ALPK1: variants seen among roughly 807,000 people sequenced by gnomAD.
The protein encoded by ALPK1 is alpha kinase 1, also known as alpha-protein kinase 1.
ALPK1 carries 110 observed loss-of-function variants against 120.6 expected under a neutral mutation model. The ratio of observed to expected loss-of-function variants is 0.91; its 90% CI spans 0.78 to 1.07. ALPK1 has a LOEUF of 1.07. ALPK1 is among the 50% of genes least tolerant of loss of function. ALPK1 has a pLI of 0.00. For synonymous variants in ALPK1, 582 were observed against 560.3 expected, an observed-to-expected ratio of 1.04 and a Z score of -0.55; for missense variants, 1,498 against 1,483.9, an observed-to-expected ratio of 1.01 and a Z score of -0.16.
In ALPK1 at chr4:112,328,585, G is replaced by A. The variant is rs940358625; in HGVS notation, c.-101+12733G>A. 3.3e-5 allele frequency among the ~76,000 whole-genome samples: 5 copies of A among 152,204 alleles called. No homozygotes were observed. In the East Asian group the frequency reaches 9.6e-4, roughly 29 times the overall value. ...CTTTATTGACATCATTTCACTGGCT[G>A]ACAGAGACTTCTGGAGTGCCACACT... On this transcript the variant is annotated intron_variant, in intron 2 of 15. Transcript: ENST00000650871.
chr4:112,429,850 AAAAAGAAAAG>A (rs1211612001), intron 10 of ALPK1, among the ~76,000 whole-genome samples: 1 of 145,816 alleles, frequency 6.9e-6, no homozygotes, highest in South Asian at 2.2e-4. Context: ...AAAAAAAAAA[AAAAAGAAAAG>A]AAAAGAGAAA....
chr4:112,369,639 CACCA>C (rs1731314432), intron 2 of ALPK1, among the ~76,000 whole-genome samples: 1 of 152,106 alleles, frequency 6.6e-6, no homozygotes, highest in Non-Finnish European at 1.5e-5. Context: ...GCCGAGATTG[CACCA>C]CTCCACTCCA....
chr4:112,300,061 C>T (rs1727718499), intron 1 of ALPK1, among the ~76,000 whole-genome samples: 3 of 152,012 alleles, frequency 2.0e-5, no homozygotes, highest in African/African-American at 7.3e-5. Flanking sequence ...GGGAAAAATT[C>T]GCAAACATGT....
chr4:112,356,138 CCCAAGAT>C, intron 2 of ALPK1: 6 of 1,595,246 alleles, frequency 3.8e-6, no homozygotes, highest in Non-Finnish European at 5.2e-6. Flanking sequence ...GGCTGATATG[CCCAAGAT>C]AGTCCTGAAT....
chr4:112,349,550 T>TCCC (rs1560647754), intron 2 of ALPK1, among the ~76,000 whole-genome samples: 62 of 64,996 alleles, frequency 9.5e-4, no homozygotes, highest in South Asian at 3.1e-3. Context: ...CCCCAACCCC[T>TCCC]GCCCCCCCCC....
intron 2 of ALPK1, among the ~76,000 whole-genome samples, chr4:112,340,336 G>A (rs774707939): frequency 9.9e-5 from 15 of 152,172 alleles, no homozygotes; most frequent in Non-Finnish European, 1.8e-4. Flanking sequence ...TCTCTTGCAC[G>A]GTGGGAAACC....
chr4:112,326,308 G>A (rs1729114116), intron 2 of ALPK1, among the ~76,000 whole-genome samples: 1 of 152,166 alleles, frequency 6.6e-6, no homozygotes, highest in Admixed American at 6.5e-5. Flanking sequence ...TTTAAACTAA[G>A]GACGCTGCAA....
intron 4 of ALPK1, among the ~76,000 whole-genome samples, chr4:112,404,339 A>C (rs927025176): frequency 6.6e-6 from 1 of 152,126 alleles, no homozygotes; most frequent in Non-Finnish European, 1.5e-5. Context: ...ATGGTGTTCC[A>C]TGTCATTTAT....
At chr4:112,432,899 C>T (rs1036332522) in intron 11 of ALPK1, among the ~76,000 whole-genome samples, 6 of 152,152 alleles carry the variant, frequency 3.9e-5, no homozygotes, top group East Asian at 1.9e-4. Context: ...CTCTGGAGGC[C>T]GTCTCATCCA....
intron 2 of ALPK1, among the ~76,000 whole-genome samples, chr4:112,354,895 A>G (rs959585542): frequency 2.6e-5 from 4 of 152,166 alleles, no homozygotes; most frequent in Non-Finnish European, 5.9e-5. Flanking sequence ...TGTCTTTATT[A>G]TTCTTGAACT....
At chr4:112,366,572 T>C (rs1276502829) in intron 2 of ALPK1, among the ~76,000 whole-genome samples, 2 of 152,160 alleles carry the variant, frequency 1.3e-5, no homozygotes, top group Admixed American at 1.3e-4. Flanking sequence ...ATGGATGTGG[T>C]GAAAAGGGAA....
chr4:112,388,851 A>G (rs544751855), intron 4 of ALPK1, among the ~76,000 whole-genome samples: 10 of 152,326 alleles, frequency 6.6e-5, no homozygotes, highest in African/African-American at 2.2e-4. Context: ...ACCTCCTAAT[A>G]TGTGGCAGTT....
At chr4:112,392,761 G>T (rs575925811) in intron 4 of ALPK1, among the ~76,000 whole-genome samples, 7 of 152,016 alleles carry the variant, frequency 4.6e-5, no homozygotes, top group Non-Finnish European at 8.8e-5. Flanking sequence ...AAACTCCTGA[G>T]CTCAAGTGAT....
chr4:112,411,647 T>A, intron 4 of ALPK1, 180 bp from the exon 5 acceptor site: 1 of 615,922 alleles, frequency 1.6e-6, no homozygotes, highest in Non-Finnish European at 2.9e-6. Context: ...TACTATTTTA[T>A]TGCACAATTG....
At chr4:112,326,373 A>AAT (rs1729120117) in intron 2 of ALPK1, among the ~76,000 whole-genome samples, 1 of 152,138 alleles carries the variant, frequency 6.6e-6, no homozygotes, top group African/African-American at 2.4e-5. Flanking sequence ...AGCCATCATA[A>AAT]ATAGGTCAGA....
chr4:112,329,168 A>T (rs1324225694), intron 2 of ALPK1, among the ~76,000 whole-genome samples: 2 of 152,220 alleles, frequency 1.3e-5, no homozygotes, highest in Non-Finnish European at 2.9e-5. Flanking sequence ...GAAGAACAAG[A>T]AGGCAGGAAG....
chr4:112,423,734 C>G, intron 5 of ALPK1: 5 of 685,166 alleles, frequency 7.3e-6, no homozygotes, highest in Non-Finnish European at 1.3e-5. Flanking sequence ...AGATACTGTC[C>G]AACTTCCCAC....
At chr4:112,319,650 C>T (rs1728781009) in intron 2 of ALPK1, among the ~76,000 whole-genome samples, 2 of 152,166 alleles carry the variant, frequency 1.3e-5, no homozygotes, top group African/African-American at 4.8e-5. Flanking sequence ...GTTATTTTCA[C>T]AATATTGATT....
chr4:112,344,318 C>G (rs1308166546), intron 2 of ALPK1, among the ~76,000 whole-genome samples: 1 of 152,132 alleles, frequency 6.6e-6, no homozygotes, highest in Non-Finnish European at 1.5e-5. Flanking sequence ...GAGTGGAAGT[C>G]TAGGGAGAGC....
Sources: allele counts gnomAD v4.1 joint callset (sites outside exome capture counted in the v4.1 genomes callset), GRCh38; gene constraint gnomAD v4.1.1; transcripts MANE v1.5; gene names NCBI Gene and HGNC (gene_info 2026-07-23, HGNC 2026-07-21).